The following GYG1 variants were observed in gnomAD, a reference collection of about 807,000 sequenced individuals.
GYG1 encodes the protein glycogenin-1.
In GYG1, 44 loss-of-function variants were observed where a neutral mutation model predicts 41.9. The ratio of observed to expected loss-of-function variants is 1.05; its 90% confidence interval spans 0.83 to 1.35. GYG1 has a LOEUF of 1.35. Among genes scored for constraint, GYG1 ranks in the 40% most tolerant of loss-of-function variants. GYG1 has a pLI of 0.00. For synonymous variants in GYG1, 141 were observed against 158.1 expected (o/e 0.89, Z 0.81); for missense variants, 429 against 418.9 (o/e 1.02, Z -0.21).
At chr3:149,013,509 C>A (rs963483451) in intron 5 of GYG1, among the ~76,000 whole-genome samples, 3 of 152,210 alleles carry the variant, frequency 2.0e-5, no homozygotes, top group African/African-American at 7.2e-5. Flanking sequence ...AAGCCTCATT[C>A]ACCCAATACT....
intron 5 of GYG1, among the ~76,000 whole-genome samples, chr3:149,017,581 G>GTTTTTTT (rs1559842358): frequency 1.4e-5 from 1 of 73,466 alleles, no homozygotes; most frequent in African/African-American, 5.0e-5. Context: ...CTTTTATTTA[G>GTTTTTTT]GTTTTTTTTT....
At chr3:148,998,344 A>G (rs1438441338) in intron 4 of GYG1, among the ~76,000 whole-genome samples, 1 of 152,216 alleles carries the variant, frequency 6.6e-6, no homozygotes, top group Admixed American at 6.5e-5. Context: ...GACATTTGGC[A>G]ATGTCTGGAG....
At chr3:149,002,196 AG>A (rs1713128439) in intron 4 of GYG1, among the ~76,000 whole-genome samples, 1 of 152,198 alleles carries the variant, frequency 6.6e-6, no homozygotes, top group South Asian at 2.1e-4. Context: ...CCTAAATTGA[AG>A]GGGCAAAAAT....
chr3:149,026,594 TATA>T (rs1714664217), intron 7 of GYG1, 92 bp downstream of exon 7: 11 of 1,028,918 alleles, frequency 1.1e-5, no homozygotes, highest in Non-Finnish European at 1.5e-5. Context: ...GAAAAAATCA[TATA>T]ATCTATATTT....
intron 5 of GYG1, among the ~76,000 whole-genome samples, chr3:149,019,331 T>C (rs1714248363): frequency 6.6e-6 from 1 of 152,190 alleles, no homozygotes; most frequent in Admixed American, 6.5e-5. Context: ...CCTAACACTT[T>C]GTGATTTGTT....
At chr3:149,003,276 C>T (rs1278458349) in intron 4 of GYG1, among the ~76,000 whole-genome samples, 2 of 151,916 alleles carry the variant, frequency 1.3e-5, no homozygotes, top group Non-Finnish European at 2.9e-5. Flanking sequence ...CCACCATGCG[C>T]AGCTAATTTT....
At chr3:148,997,580 G>A (rs1472302868) in intron 4 of GYG1, among the ~76,000 whole-genome samples, 3 of 152,118 alleles carry the variant, frequency 2.0e-5, no homozygotes, top group African/African-American at 7.2e-5. Flanking sequence ...AAATGAATTA[G>A]TAAGTGTGCT....
rs1220166484 is a variant in GYG1 at position 149,027,669 on chromosome 3, A to G, written c.*736A>G. ...TAATTAAATTAAGGAATTTCACCAT[A>G]CACCCTTGAACAAATCTATTAGGGA... is the stretch of plus-strand genomic sequence containing the variant. On this transcript the variant is annotated 3_prime_UTR_variant, in exon 8 of 8. Transcript: ENST00000345003. 2 of 152,276 alleles carry G rather than the reference A, an allele frequency of 1.3e-5. No individual in the cohort carries two copies. The highest frequency in any genetic ancestry group is 4.8e-5 in the African/African-American group (2 of 41,458). The allele number at this position is 152,276 out of a possible 1,614,324, so 9.4% of individuals were successfully genotyped here.
rs1714824307 is a variant in GYG1 at position 149,029,213 on chromosome 3, A to G, written c.*2280A>G. On this transcript the variant is annotated 3_prime_UTR_variant, in exon 8 of 8. Transcript: ENST00000345003. ...AACTAACTTTTCCATGTAAAGCTAT[A>G]CAAATATTGGAAAATCTTTTCTAGG... Among the ~76,000 whole-genome samples, 1 of 152,252 alleles carries G rather than the reference A, an allele frequency of 6.6e-6. No individual in the cohort carries two copies.
chr3:149,008,214 CTT>C (rs578010099), intron 4 of GYG1: 71 of 152,332 alleles, frequency 4.7e-4, no homozygotes, highest in African/African-American at 1.7e-3. Flanking sequence ...AGTTTGCTCT[CTT>C]TTACTTTTTG....
chr3:149,013,524 A>G (rs557379022), intron 5 of GYG1, among the ~76,000 whole-genome samples: 84 of 152,238 alleles, frequency 5.5e-4, no homozygotes, highest in Non-Finnish European at 9.3e-4. Context: ...AATACTTTCC[A>G]TATAAATATT....
intron 5 of GYG1, among the ~76,000 whole-genome samples, chr3:149,018,620 C>T (rs1714197001): frequency 6.6e-6 from 1 of 152,162 alleles, no homozygotes; most frequent in African/African-American, 2.4e-5. Flanking sequence ...TCTTCCCACC[C>T]CCAAAGGGCT....
chr3:149,021,600 A>C (rs1174440108), intron 5 of GYG1, among the ~76,000 whole-genome samples: 1 of 152,130 alleles, frequency 6.6e-6, no homozygotes, highest in Admixed American at 6.5e-5. Flanking sequence ...TCTGCCACTT[A>C]GTTGTGTGAC....
chr3:148,994,264 T>C lies in GYG1; in HGVS notation c.130T>C (p.Ser44Pro), dbSNP rs527407055. 1.5e-5 allele frequency: 24 copies of C among 1,614,042 alleles called. No individual in the cohort carries two copies. The African/African-American group carries it at 2.5e-4, about 17-fold the overall frequency. Reference sequence around the variant, plus strand: ...GGTCGTGCTCGCCACCCCTCAGGTCTCAGACTCCATGAGGTGAGGACCTCG... The same window carrying C: ...GGTCGTGCTCGCCACCCCTCAGGTCCCAGACTCCATGAGGTGAGGACCTCG... ...RLVVLATPQVSDSMRKVLETV... is the reference protein window; with the variant it reads ...RLVVLATPQVPDSMRKVLETV... Residue 44 changes from serine (S) to proline (P), a missense_variant, in exon 2 of 8, where the codon TCA becomes CCA. Transcript: ENST00000345003.
intron 6 of GYG1, among the ~76,000 whole-genome samples, chr3:149,025,469 C>T (rs537829199): frequency 2.6e-5 from 4 of 152,216 alleles, no homozygotes; most frequent in Admixed American, 2.6e-4. Flanking sequence ...TGGTCCGTGG[C>T]CTGGGGGTTG....
At chr3:149,005,181 T>A (rs538545452) in intron 4 of GYG1, among the ~76,000 whole-genome samples, 8 of 149,714 alleles carry the variant, frequency 5.3e-5, no homozygotes, top group African/African-American at 2.0e-4. Flanking sequence ...ACACATATAT[T>A]TTTTTTTTGG....
intron 5 of GYG1, among the ~76,000 whole-genome samples, chr3:149,021,454 G>T (rs1714370760): frequency 2.6e-5 from 4 of 152,164 alleles, no homozygotes; most frequent in Non-Finnish European, 4.4e-5. Flanking sequence ...ACAAACCGTG[G>T]AATGATCAAT....
At position 149,024,106 on chromosome 3, in the gene GYG1, A is replaced by G. The variant is rs1412348949; in HGVS notation, c.662A>G (p.Asn221Ser). The G allele has an allele frequency of 1.2e-6, 2 of 1,614,078 alleles. No individual in the cohort carries two copies. Among genetic ancestry groups the G allele is most frequent in the African/African-American group, 1.3e-5 (1 of 74,924 alleles). The change falls in exon 6 of 8, where the codon AAT becomes AGT. Residue 221 changes from asparagine (N) to serine (S), a missense_variant. Coordinates refer to ENST00000345003, the MANE Select transcript of GYG1 (RefSeq NM_004130.4). ...VHFLGRVKPWNYTYDPKTKSV... is the reference protein window; with the variant it reads ...VHFLGRVKPWSYTYDPKTKSV... ...TTCCTGGGACGAGTCAAACCATGGA[A>G]TTATACTTATGATCCCAAAACAAAA...
rs1310293802 is a variant in GYG1, at chr3:149,030,521, TA to T, written c.*3590del. ...GTGAGTTTGTAAGGCTTTGTCTTTG[TA>T]AGCAGAAAGAGTAGACTGTGTTGTT... On this transcript the variant is annotated 3_prime_UTR_variant, in exon 8 of 8. Transcript: ENST00000345003. The T allele has an allele frequency of 2.6e-5, 4 of 152,224 alleles. No homozygotes were observed. Among genetic ancestry groups the T allele is most frequent in the African/African-American group, 9.6e-5 (4 of 41,460 alleles). The allele number at this position is 152,224 out of a possible 1,614,324, so 9.4% of individuals were successfully genotyped here.
Sources: gnomAD v4.1 joint callset for allele counts (sites outside exome capture counted in the v4.1 genomes callset) on GRCh38, gnomAD v4.1.1 for gene constraint, MANE v1.5 for transcripts, NCBI Gene and HGNC (gene_info 2026-07-23, HGNC 2026-07-21) for gene names.